Variants in DCC observed in about 807,000 individuals in gnomAD.
DCC encodes DCC netrin 1 receptor, also known as netrin receptor DCC.
A neutral mutation model predicts 172.5 loss-of-function variants in DCC; 58 were observed. The observed-to-expected ratio is 0.34, with a 90% confidence interval of 0.27 to 0.42. DCC has a LOEUF of 0.42. Among genes scored for constraint, DCC ranks in the 10% least tolerant of loss-of-function variants. DCC has a pLI of 1.00. For missense variants in DCC, 1,740 were observed against 1,791.0 expected, an observed-to-expected ratio of 0.97 and a Z score of 0.51; for synonymous variants, 709 against 644.5, an observed-to-expected ratio of 1.10 and a Z score of -1.52.
intron 1 of DCC, among the ~76,000 whole-genome samples, chr18:52,585,852 G>A (rs1012740180): frequency 1.3e-5 from 2 of 152,146 alleles, no homozygotes; most frequent in East Asian, 1.9e-4. Flanking sequence ...GGGAGGCCAA[G>A]GTGAGTGGAT....
chr18:53,047,266 ATATATATATATATATATATATAATTT>A (rs1307675246), intron 5 of DCC, among the ~76,000 whole-genome samples: 12 of 16,922 alleles, frequency 7.1e-4, no homozygotes, highest in African/African-American at 4.1e-3. Context: ...ATATATATAT[ATATATATATATATATATATATAATTT>A]TATATATATA....
At chr18:53,256,754 C>G (rs1285242918) in intron 12 of DCC, among the ~76,000 whole-genome samples, 1 of 152,160 alleles carries the variant, frequency 6.6e-6, no homozygotes, top group Non-Finnish European at 1.5e-5. Flanking sequence ...TGAAGAAAGT[C>G]ATTGGTAGCT....
intron 2 of DCC, among the ~76,000 whole-genome samples, chr18:52,860,719 G>T (rs1598875631): frequency 1.3e-5 from 2 of 152,188 alleles, no homozygotes; most frequent in East Asian, 3.9e-4. Context: ...GGCTTTGCTA[G>T]CCGGGCGCTG....
At chr18:52,396,346 A>AAC in intron 1 of DCC, among the ~76,000 whole-genome samples, 1 of 149,966 alleles carries the variant, frequency 6.7e-6, no homozygotes, top group Non-Finnish European at 1.5e-5. Flanking sequence ...AAATTAGAAA[A>AAC]ATAAAAAAAT....
At chr18:53,284,168 G>C (rs906789384) in intron 12 of DCC, among the ~76,000 whole-genome samples, 2 of 152,072 alleles carry the variant, frequency 1.3e-5, no homozygotes, top group African/African-American at 4.8e-5. Context: ...TTAGACCCAT[G>C]TTTTGCCCTG....
intron 15 of DCC, among the ~76,000 whole-genome samples, chr18:53,382,104 A>ACACACAC (rs770734401): frequency 3.8e-5 from 2 of 52,830 alleles, no homozygotes; most frequent in African/African-American, 8.2e-5. Flanking sequence ...ACACACACAC[A>ACACACAC]CCCCTACCTC....
intron 1 of DCC, among the ~76,000 whole-genome samples, chr18:52,645,677 TA>T (rs1040728496): frequency 5.3e-5 from 8 of 151,738 alleles, no homozygotes; most frequent in East Asian, 1.9e-4. Context: ...AATTTAAAAA[TA>T]AAAAAAAATT....
At chr18:52,379,229 T>G (rs1985481628) in intron 1 of DCC, among the ~76,000 whole-genome samples, 1 of 151,690 alleles carries the variant, frequency 6.6e-6, no homozygotes, top group Non-Finnish European at 1.5e-5. Context: ...AATGATGACC[T>G]TGCTACAAAA....
At chr18:53,053,180 C>T (rs918198830) in intron 5 of DCC, among the ~76,000 whole-genome samples, 4 of 151,842 alleles carry the variant, frequency 2.6e-5, no homozygotes, top group African/African-American at 9.7e-5. Context: ...CAAAACAAAA[C>T]AACAGAAAAG....
chr18:53,131,621 A>C (rs1258230662), intron 7 of DCC, among the ~76,000 whole-genome samples: 2 of 152,154 alleles, frequency 1.3e-5, no homozygotes, highest in African/African-American at 4.8e-5. Flanking sequence ...TATAATCAAG[A>C]ACCTATGACA....
At chr18:52,550,463 G>T (rs1200843748) in intron 1 of DCC, among the ~76,000 whole-genome samples, 1 of 152,066 alleles carries the variant, frequency 6.6e-6, no homozygotes, top group African/African-American at 2.4e-5. Context: ...TTCTCACTTG[G>T]CATTCTTTGT....
chr18:53,520,584 G>A (rs2046388790), intron 27 of DCC, among the ~76,000 whole-genome samples: 1 of 151,856 alleles, frequency 6.6e-6, no homozygotes, highest in Non-Finnish European at 1.5e-5. Context: ...AAGCACTTAA[G>A]GAAAAAGCAC....
intron 14 of DCC, among the ~76,000 whole-genome samples, chr18:53,331,746 C>T (rs778962148): frequency 6.6e-6 from 1 of 152,108 alleles, no homozygotes; most frequent in Non-Finnish European, 1.5e-5. Flanking sequence ...AGAGACCACG[C>T]TTGTCTAATT....
intron 7 of DCC, among the ~76,000 whole-genome samples, chr18:53,087,550 G>A (rs2042933112): frequency 2.0e-5 from 3 of 152,020 alleles, no homozygotes. Flanking sequence ...CATTTTGTAG[G>A]TTGCCTGTTT....
At chr18:52,883,385 TGTGTGTGA>T (rs374753124) in intron 2 of DCC, among the ~76,000 whole-genome samples, 21,395 of 108,298 alleles carry the variant, frequency 0.2, 2,160 homozygotes, top group Non-Finnish European at 0.28. Context: ...TGTGTGTGTG[TGTGTGTGA>T]GATCTCTTTC....
intron 28 of DCC, among the ~76,000 whole-genome samples, chr18:53,527,383 T>C (rs1351465732): frequency 6.6e-6 from 1 of 151,822 alleles, no homozygotes; most frequent in Non-Finnish European, 1.5e-5. Flanking sequence ...TACACCAACT[T>C]ATACAGTTAT....
intron 13 of DCC, 113 bp downstream of exon 13, chr18:53,305,832 G>A (rs2057193752): frequency 2.7e-6 from 3 of 1,099,886 alleles, no homozygotes; most frequent in Non-Finnish European, 4.2e-6. Context: ...ATCCAGGCAG[G>A]TGACATCTAT....
chr18:52,573,258 AT>A (rs1202317157), intron 1 of DCC, among the ~76,000 whole-genome samples: 2 of 152,162 alleles, frequency 1.3e-5, no homozygotes, highest in Admixed American at 6.5e-5. Context: ...TTTAAAAAAA[AT>A]AAATGCATAT....
intron 12 of DCC, among the ~76,000 whole-genome samples, chr18:53,252,388 G>T (rs2056448612): frequency 6.6e-6 from 1 of 151,802 alleles, no homozygotes; most frequent in African/African-American, 2.4e-5. Flanking sequence ...TCACTCTGGG[G>T]GTTTAGGTGG....
Sources: allele counts gnomAD v4.1 joint callset (sites outside exome capture counted in the v4.1 genomes callset), GRCh38; gene constraint gnomAD v4.1.1; transcripts MANE v1.5; gene names NCBI Gene and HGNC (gene_info 2026-07-23, HGNC 2026-07-21).